Variants in NLRP10 observed in about 807,000 individuals in gnomAD.
NLRP10 encodes NLR family pyrin domain containing 10.
In NLRP10, 7 loss-of-function variants were observed where a neutral mutation model predicts 8.2. The ratio of observed to expected loss-of-function variants is 0.85; its 90% CI spans 0.48 to 1.60. The LOEUF is 1.60. Among genes scored for constraint, NLRP10 ranks in the 40% most tolerant of loss-of-function variants. The probability of loss-of-function intolerance (pLI) is 0.00; values close to 1 mark genes in which losing one functional copy is unlikely to be tolerated. For synonymous variants in NLRP10, 338 were observed against 314.0 expected (o/e 1.08, Z -0.81); for missense variants, 814 against 776.3 (o/e 1.05, Z -0.58).
At chr11:7,961,433 T>G (rs573142856) in intron 2 of NLRP10, 111 bp from the exon 3 acceptor site, 1 of 721,296 alleles carries the variant, frequency 1.4e-6, no homozygotes, top group South Asian at 1.8e-5. Flanking sequence ...CCAACTTGGA[T>G]CTTGCTGAGA....
At position 7,961,091 on chromosome 11, in the gene NLRP10, G is replaced by A. The variant is rs1186100956; in HGVS notation, c.521C>T (p.Ser174Leu). ...GAGAGTTGTCTTTCCAGTGCCAGCC[G>A]ACCCCTGTAGCACAACTAAGGATGG... ...LAPSLVVLQG[S>L]AGTGKTTLAR... The change falls in exon 3 of 3, where the codon TCG becomes TTG. Residue 174 changes from serine (S) to leucine (L), a missense_variant. Coordinates refer to ENST00000691676, the MANE Select transcript of NLRP10 (RefSeq NM_001391958.1). 10 of 1,613,968 alleles carry A rather than the reference G, an allele frequency of 6.2e-6. No individual in the cohort carries two copies. The East Asian group carries it at 8.9e-5, about 14-fold the overall frequency.
rs560559995 is a variant in NLRP10, at chr11:7,958,858, T to G, written c.*786A>C. On this transcript the variant is annotated 3_prime_UTR_variant, in exon 3 of 3. Transcript: ENST00000691676. ...CTTATTATTGAGTTTTAAGAGCTAT[T>G]TGTATTTTTTTTTACCCAAGTCTTT... is the stretch of plus-strand genomic sequence containing the variant. Among the ~76,000 whole-genome samples, 56 of 152,336 alleles carry G rather than the reference T, an allele frequency of 3.7e-4. No homozygotes were observed. The highest frequency in any genetic ancestry group is 6.5e-4 in the Non-Finnish European group (44 of 68,036).
At position 7,959,972 on chromosome 11, in the gene NLRP10, T is replaced by C. The variant is rs1941684279; in HGVS notation, c.1640A>G (p.His547Arg). The change falls in exon 3 of 3, where the codon CAT becomes CGT. Residue 547 changes from histidine to arginine, a missense_variant. His to Arg is a conservative substitution (Grantham distance 29). Transcript: ENST00000691676. ...CATAGATTCCATCTGTTCTTTAAAA[T>C]GCTTCAGATCCTGCGCTAAACAGGG... is the stretch of plus-strand genomic sequence containing the variant. ...ISPCLAQDLK[H>R]FKEQMESMKH... 1.2e-6 allele frequency: 2 copies of C among 1,614,200 alleles called. No homozygotes were observed. The highest frequency in any genetic ancestry group is 4.5e-5 in the East Asian group (2 of 44,878).
rs1345864338 is a variant in NLRP10 at position 7,963,554 on chromosome 11, C to T, written c.-45-14G>A. ...AAGACCAGTGACCTGGAGAAAGAGG[C>T]AAAAGGAGAGGTCCACTGCTGAGAG... On this transcript the variant is annotated splice_polypyrimidine_tract_variant and intron_variant, in intron 1 of 2. Transcript: ENST00000691676. The T allele has an allele frequency of 6.7e-7, 1 of 1,503,746 alleles. No individual in the cohort carries two copies. The highest frequency in any genetic ancestry group is 2.3e-5 in the East Asian group (1 of 44,058). The allele number at this position is 1,503,746 out of a possible 1,614,324, so 93.2% of individuals were successfully genotyped here.
chr11:7,961,594 G>A (rs1941731599), intron 2 of NLRP10, among the ~76,000 whole-genome samples: 1 of 152,184 alleles, frequency 6.6e-6, no homozygotes, highest in African/African-American at 2.4e-5. Context: ...ATCCACATGT[G>A]CTCGTGGACC....
In NLRP10 at chr11:7,957,978, C is replaced by T. The variant is rs1017227781; in HGVS notation, c.*1666G>A. Among the ~76,000 whole-genome samples the T allele has an allele frequency of 1.3e-5, 2 of 152,152 alleles. No homozygotes were observed. The highest frequency in any genetic ancestry group is 1.5e-5 in the Non-Finnish European group (1 of 68,030). ...TATTTGGAATTACACAGTATGTAGC[C>T]TTTTCAGACTGACTTCTTTCACTTA... On this transcript the variant is annotated 3_prime_UTR_variant, in exon 3 of 3. Transcript: ENST00000691676.
rs1452097830 is a variant in NLRP10 at position 7,963,500 on chromosome 11, A to G, written c.-5T>C. 1.9e-6 allele frequency: 3 copies of G among 1,606,732 alleles called. No individual in the cohort carries two copies. The African/African-American group carries it at 4.0e-5, about 22-fold the overall frequency. On this transcript the variant is annotated 5_prime_UTR_variant, in exon 2 of 3. Transcript: ENST00000691676. ...TCTGGCCTTGGCCATGGCCATGGTG[A>G]TCTGGGGGAAGGATCAAGTCCAGAC...
Position 7,959,636 on chromosome 11 carries a change from A to T in NLRP10, c.*8T>A. The T allele has an allele frequency of 7.2e-7, 1 of 1,386,900 alleles. No individual in the cohort carries two copies. The highest frequency in any genetic ancestry group is 9.9e-7 in the Non-Finnish European group (1 of 1,009,688). 85.9% of individuals were successfully genotyped at this position (1,386,900 alleles called of 1,614,324 possible). A position where few individuals can be genotyped will look rare whatever the true frequency, so the allele number is the denominator to read the frequency against. On this transcript the variant is annotated 3_prime_UTR_variant, in exon 3 of 3. Transcript: ENST00000691676. The stretch of plus-strand genomic sequence containing the variant: ...CCTCATAGAGATCTTGTACATATTT[A>T]ATTAGGTTTATATGTAAGTATTTTT...
At chr11:7,961,671 A>G (rs1941733726) in intron 2 of NLRP10, among the ~76,000 whole-genome samples, 1 of 152,176 alleles carries the variant, frequency 6.6e-6, no homozygotes, top group Admixed American at 6.5e-5. Flanking sequence ...GTAAGAATAC[A>G]TGTAAGTGCA....
At position 7,960,586 on chromosome 11, in the gene NLRP10, C is replaced by T. The variant is rs185623551; in HGVS notation, c.1026G>A (p.Gln342=). The change falls in exon 3 of 3, where the codon CAG becomes CAA. Residue 342 remains glutamine, a synonymous_variant. Coordinates refer to ENST00000691676, the MANE Select transcript of NLRP10 (RefSeq NM_001391958.1). The stretch of plus-strand genomic sequence containing the variant: ...ACGCTTTGTAGAGAATGTCATTTTT[C>T]TGTACAATGTCGAAGGCACGGTCAG... The part of the protein sequence containing the change: ...KQADRAFDIV[Q]KNDILYKACQ... The T allele has an allele frequency of 2.9e-5, 47 of 1,614,200 alleles. 1 individual carries two copies. In the East Asian group the frequency reaches 9.6e-4, roughly 33 times the overall value.
In NLRP10 at chr11:7,958,687, C is replaced by A. The variant is rs1356009174; in HGVS notation, c.*957G>T. 1.3e-5 allele frequency among the ~76,000 whole-genome samples: 2 copies of A among 152,016 alleles called. No individual in the cohort carries two copies. Among genetic ancestry groups the A allele is most frequent in the Non-Finnish European group, 1.5e-5 (1 of 68,014 alleles). ...GCCTCAGCCTCCTGAGTAGCTGGGA[C>A]TACAGGTGTGCACCACCACGCCCGG... On this transcript the variant is annotated 3_prime_UTR_variant, in exon 3 of 3. Transcript: ENST00000691676.
At chr11:7,962,829 G>A (rs1941754851) in intron 2 of NLRP10, among the ~76,000 whole-genome samples, 1 of 152,116 alleles carries the variant, frequency 6.6e-6, no homozygotes, top group Non-Finnish European at 1.5e-5. Context: ...AGCTTGCCAG[G>A]AAGCAGCTAG....
In NLRP10 at chr11:7,961,208, G is replaced by A. The variant is rs1321981487; in HGVS notation, c.404C>T (p.Pro135Leu). ...CGGGAAGGGGCAGGCAAGTGATTCT[G>A]GGCTCTCTGAGCTGGGCTTGGCCAC... ...LLVAKPSSES[P>L]ESLACPFPEQ... The change falls in exon 3 of 3, where the codon CCA becomes CTA. Residue 135 changes from proline (P) to leucine (L), a missense_variant. Transcript: ENST00000691676. 5.6e-6 allele frequency: 9 copies of A among 1,613,550 alleles called. No individual in the cohort carries two copies. The highest frequency in any genetic ancestry group is 1.7e-5 in the Admixed American group (1 of 59,968).
At position 7,961,258 on chromosome 11, in the gene NLRP10, A is replaced by G. The variant is rs757069314; in HGVS notation, c.354T>C (p.Asn118=). ...CLEEWQEAGV[N]GRYNQVLLVA... ...CCAGGAGCACCTGGTTGTATCTGCC[A>G]TTGACTCCTGCTTCCTGCCATTCCT... is the stretch of plus-strand genomic sequence containing the variant. The change falls in exon 3 of 3, where the codon AAT becomes AAC. Residue 118 remains asparagine, a synonymous_variant. Coordinates refer to ENST00000691676, the MANE Select transcript of NLRP10 (RefSeq NM_001391958.1). 5.6e-6 allele frequency: 9 copies of G among 1,611,166 alleles called. No homozygotes were observed. The South Asian group carries it at 8.8e-5, about 16-fold the overall frequency.
Position 7,957,820 on chromosome 11 carries a change from T to G in NLRP10, c.*1824A>C, listed in dbSNP as rs945733727. 1.3e-5 allele frequency among the ~76,000 whole-genome samples: 2 copies of G among 152,196 alleles called. No homozygotes were observed. The highest frequency in any genetic ancestry group is 2.4e-5 in the African/African-American group (1 of 41,444). On this transcript the variant is annotated 3_prime_UTR_variant, in exon 3 of 3. Coordinates refer to ENST00000691676, the MANE Select transcript of NLRP10 (RefSeq NM_001391958.1). ...ATGTCATGACTCCATCATTATAATA[T>G]CACACAGAATAGTTTTACTATCCTA...
Position 7,958,018 on chromosome 11 carries a change from G to T in NLRP10, c.*1626C>A, listed in dbSNP as rs972923392. On this transcript the variant is annotated 3_prime_UTR_variant, in exon 3 of 3. Coordinates refer to ENST00000691676, the MANE Select transcript of NLRP10 (RefSeq NM_001391958.1). Reference sequence around the variant, plus strand: ...TCTTTCACTTAGTAGTTGCATTTAAGGCTTCTCCATATCTTTTCATGTCTT... The same window carrying T: ...TCTTTCACTTAGTAGTTGCATTTAATGCTTCTCCATATCTTTTCATGTCTT... 1.3e-5 allele frequency among the ~76,000 whole-genome samples: 2 copies of T among 152,158 alleles called. No individual in the cohort carries two copies. Among genetic ancestry groups the T allele is most frequent in the Admixed American group, 1.3e-4 (2 of 15,294 alleles).
chr11:7,962,633 G>A (rs1813258557), intron 2 of NLRP10, among the ~76,000 whole-genome samples: 1 of 152,090 alleles, frequency 6.6e-6, no homozygotes, highest in Non-Finnish European at 1.5e-5. Flanking sequence ...CCTCCCATTT[G>A]TACGTAGCAG....
chr11:7,961,191 G>C lies in NLRP10; in HGVS notation c.421C>G (p.Pro141Ala). The C allele has an allele frequency of 6.2e-7, 1 of 1,613,852 alleles. No individual in the cohort carries two copies. The highest frequency in any genetic ancestry group is 8.5e-7 in the Non-Finnish European group (1 of 1,179,882). ...SSESPESLAC[P>A]FPEQELESVT... ...GACTCCAGCTCCTGCTCCGGGAAGG[G>C]GCAGGCAAGTGATTCTGGGCTCTCT... Residue 141 changes from proline to alanine, a missense_variant, in exon 3 of 3, where the codon CCC becomes GCC. Pro to Ala is a conservative substitution (Grantham distance 27). Coordinates refer to ENST00000691676, the MANE Select transcript of NLRP10 (RefSeq NM_001391958.1).
At chr11:7,961,428 T>C (rs1941728470) in intron 2 of NLRP10, 106 bp from the exon 3 acceptor site, 1 of 739,310 alleles carries the variant, frequency 1.4e-6, no homozygotes, top group South Asian at 1.8e-5. Context: ...TGTCTCCAAC[T>C]TGGATCTTGC....
Sources: allele counts gnomAD v4.1 joint callset (sites outside exome capture counted in the v4.1 genomes callset), GRCh38; gene constraint gnomAD v4.1.1; transcripts MANE v1.5; gene names NCBI Gene and HGNC (gene_info 2026-07-23, HGNC 2026-07-21).